Variants in GTF3C1 observed in about 807,000 individuals in gnomAD.
GTF3C1 encodes general transcription factor IIIC subunit 1.
In GTF3C1, 57 loss-of-function variants were observed where a neutral mutation model predicts 226.7. The ratio of observed to expected loss-of-function variants is 0.25; its 90% CI spans 0.20 to 0.31. The LOEUF (loss-of-function observed/expected upper bound fraction) is 0.31, where lower values mean the gene tolerates loss of function less well. GTF3C1 is among the 10% of genes least tolerant of loss of function. The pLI, the probability that GTF3C1 is intolerant of heterozygous loss-of-function variation, is 1.00. For synonymous variants in GTF3C1, 1,090 were observed against 1,084.8 expected (o/e 1.00, Z -0.09); for missense variants, 2,217 against 2,776.1 (o/e 0.80, Z 4.53).
At chr16:27,542,609 G>A (rs926988861) in intron 2 of GTF3C1, among the ~76,000 whole-genome samples, 5 of 152,092 alleles carry the variant, frequency 3.3e-5, no homozygotes, top group Non-Finnish European at 4.4e-5. Flanking sequence ...GCAGCATTGG[G>A]AGGTGAGGAC....
At chr16:27,543,670 T>A (rs942670645) in intron 2 of GTF3C1, among the ~76,000 whole-genome samples, 2 of 152,140 alleles carry the variant, frequency 1.3e-5, no homozygotes, top group African/African-American at 4.8e-5. Flanking sequence ...AGTGCTTGGA[T>A]TACTGCTTAG....
chr16:27,511,889 A>T lies in GTF3C1; in HGVS notation c.986T>A (p.Met329Lys). 6.2e-7 allele frequency: 1 copy of T among 1,614,070 alleles called. No homozygotes were observed. The highest frequency in any genetic ancestry group is 2.2e-5 in the East Asian group (1 of 44,886). The change falls in exon 7 of 37, where the codon ATG becomes AAG. Residue 329 changes from methionine (M) to lysine (K), a missense_variant. By Grantham distance (95) the Met-to-Lys change is moderately conservative. Transcript: ENST00000356183. Reference sequence around the variant, plus strand: ...CTTCAGCAGCTTGAGGCACCGAACCATGACGTCGGTCCCTGGCAACACAAG... The same window carrying T: ...CTTCAGCAGCTTGAGGCACCGAACCTTGACGTCGGTCCCTGGCAACACAAG... ...PCKTKKGTDV[M>K]VRCLKLLKEF...
intron 27 of GTF3C1, chr16:27,480,668 G>A (rs232059): frequency 0.11 from 17,785 of 160,238 alleles, 1,261 homozygotes; most frequent in Middle Eastern, 0.21. Flanking sequence ...TTTAAAAATT[G>A]TACAGGGTTC....
At position 27,489,089 on chromosome 16, in the gene GTF3C1, T is replaced by C; in HGVS notation, c.3383A>G (p.Lys1128Arg). 8 of 1,614,108 alleles carry C rather than the reference T, an allele frequency of 5.0e-6. No individual in the cohort carries two copies. The highest frequency in any genetic ancestry group is 6.8e-6 in the Non-Finnish European group (8 of 1,179,946). Reference sequence around the variant, plus strand: ...GTAGCTGGTCCAGATCCAGTTGCGCTTGAGGTGTCCGTAGAAGCTGGAATC... The same window carrying C: ...GTAGCTGGTCCAGATCCAGTTGCGCCTGAGGTGTCCGTAGAAGCTGGAATC... ...GLDSSFYGHL[K>R]RNWIWTSYII... Residue 1128 changes from lysine to arginine, a missense_variant, in exon 21 of 37, where the codon AAG becomes AGG. Transcript: ENST00000356183.
At chr16:27,501,012 A>G (rs553376296) in intron 12 of GTF3C1, among the ~76,000 whole-genome samples, 179 bp downstream of exon 12, 61 of 152,360 alleles carry the variant, frequency 4.0e-4, no homozygotes, top group Non-Finnish European at 7.5e-4. Context: ...AATCCTAGCA[A>G]GTTTTTGCTC....
intron 3 of GTF3C1, 68 bp from the exon 4 acceptor site, chr16:27,537,995 T>A: frequency 1.3e-6 from 2 of 1,533,658 alleles, no homozygotes; most frequent in South Asian, 2.4e-5. Context: ...AGTCTCTCAC[T>A]TGGACATAAA....
chr16:27,529,394 T>C (rs958993990), intron 5 of GTF3C1, among the ~76,000 whole-genome samples: 3 of 151,404 alleles, frequency 2.0e-5, no homozygotes, highest in Non-Finnish European at 2.9e-5. Flanking sequence ...TGGGCCGAGA[T>C]TGCACCACTG....
chr16:27,489,118 C>A lies in GTF3C1; in HGVS notation c.3354G>T (p.Gly1118=). 1 of 1,613,972 alleles carries A rather than the reference C, an allele frequency of 6.2e-7. No homozygotes were observed. Among genetic ancestry groups the A allele is most frequent in the Non-Finnish European group, 8.5e-7 (1 of 1,179,858 alleles). The part of the protein sequence containing the change: ...LIPGDGLGAA[G]LDSSFYGHLK... ...GGTGTCCGTAGAAGCTGGAATCGAG[C>A]CCTGCGGCACCCAGCCCATCTCCAG... Residue 1118 remains glycine, a synonymous_variant, in exon 21 of 37, where the codon GGG becomes GGT. Transcript: ENST00000356183.
intron 5 of GTF3C1, 122 bp from the exon 6 acceptor site, chr16:27,528,843 G>A (rs2088871976): frequency 1.0e-6 from 1 of 978,864 alleles, no homozygotes; most frequent in Non-Finnish European, 1.6e-6. Flanking sequence ...AGGTACTAAT[G>A]AGGAAAGCCT....
Position 27,461,321 on chromosome 16 carries a change from C to T in GTF3C1, c.*29G>A, listed in dbSNP as rs751607634. On this transcript the variant is annotated 3_prime_UTR_variant, in exon 37 of 37. Coordinates refer to ENST00000356183, the MANE Select transcript of GTF3C1 (RefSeq NM_001520.4). The surrounding 1 kb of genome is among the most constrained non-coding windows in gnomAD (Gnocchi z 5.3). The stretch of plus-strand genomic sequence containing the variant: ...GCAGGAGTGGTGTGGCAGGCGGTGG[C>T]TGGGAGGGAGGGGACGCCCACAGGG... The T allele has an allele frequency of 1.4e-6, 2 of 1,458,546 alleles. No individual in the cohort carries two copies. Among genetic ancestry groups the T allele is most frequent in the African/African-American group, 1.4e-5 (1 of 72,118 alleles). The allele number at this position is 1,458,546 out of a possible 1,614,324, so 90.4% of individuals were successfully genotyped here.
rs1269167553 is a variant in GTF3C1, at chr16:27,537,942, G to A, written c.609-15C>T. On this transcript the variant is annotated splice_polypyrimidine_tract_variant and intron_variant, in intron 3 of 36. Coordinates refer to ENST00000356183, the MANE Select transcript of GTF3C1 (RefSeq NM_001520.4). ...CAGCATCAACCCTGGAGGAAAAGAG[G>A]AGCCATGTCATTTGCTTTGCTGGTA... The A allele has an allele frequency of 5.6e-6, 9 of 1,612,412 alleles. No individual in the cohort carries two copies. The highest frequency in any genetic ancestry group is 7.6e-6 in the Non-Finnish European group (9 of 1,179,340).
At chr16:27,486,211 ACT>A (rs2088136518) in intron 23 of GTF3C1, 57 bp from the exon 24 acceptor site, 5 of 1,047,882 alleles carry the variant, frequency 4.8e-6, no homozygotes, top group African/African-American at 3.2e-5. Context: ...TGGAGCTGTC[ACT>A]CTGCAGAGGG....
At chr16:27,540,649 A>C (rs996187912) in intron 2 of GTF3C1, among the ~76,000 whole-genome samples, 17 of 152,224 alleles carry the variant, frequency 1.1e-4, no homozygotes, top group African/African-American at 4.1e-4. Context: ...TCTACCTTCA[A>C]GGAGCTCACA....
intron 3 of GTF3C1, 121 bp downstream of exon 3, chr16:27,538,059 G>A (rs2089026793): frequency 3.9e-6 from 5 of 1,282,134 alleles, no homozygotes; most frequent in Non-Finnish European, 5.4e-6. Flanking sequence ...GTCACTGTGA[G>A]ACCACGGCCT....
At chr16:27,529,795 C>A (rs374189764) in intron 5 of GTF3C1, among the ~76,000 whole-genome samples, 2 of 152,202 alleles carry the variant, frequency 1.3e-5, no homozygotes, top group Non-Finnish European at 2.9e-5. Context: ...AGGGCCCACC[C>A]GGTTCCAGGG....
Position 27,463,412 on chromosome 16 carries a change from C to G in GTF3C1, c.5924+129G>C. ...CCCTCCAAGTACCCCTGCCAAGAAC[C>G]AAGGTGCCGGGCAGGCTGTCAGAGC... On this transcript the variant is annotated intron_variant, in intron 35 of 36. Coordinates refer to ENST00000356183, the MANE Select transcript of GTF3C1 (RefSeq NM_001520.4). The surrounding 1 kb of genome is among the most constrained non-coding windows in gnomAD (Gnocchi z 4.9). 1 of 692,410 alleles carries G rather than the reference C, an allele frequency of 1.4e-6. No homozygotes were observed. The highest frequency in any genetic ancestry group is 2.6e-6 in the Non-Finnish European group (1 of 385,620). 42.9% of individuals were successfully genotyped at this position (692,410 alleles called of 1,614,324 possible).
intron 6 of GTF3C1, among the ~76,000 whole-genome samples, chr16:27,515,670 C>A (rs1039247665): frequency 6.6e-6 from 1 of 152,130 alleles, no homozygotes. Flanking sequence ...TCTCAAGTTC[C>A]ATAGCTCCCC....
In GTF3C1 at chr16:27,549,657, G is replaced by A. The variant is rs1044624393; in HGVS notation, c.221+13C>T. ...CCCGCCCGCCCGCCCGCCAGGCCAG[G>A]CCGCCCGCTGACCGGTCCTGGAGCT... On this transcript the variant is annotated intron_variant, in intron 1 of 36. Coordinates refer to ENST00000356183, the MANE Select transcript of GTF3C1 (RefSeq NM_001520.4). The A allele has an allele frequency of 3.5e-6, 5 of 1,418,264 alleles. No individual in the cohort carries two copies. The highest frequency in any genetic ancestry group is 1.4e-5 in the African/African-American group (1 of 70,104). The allele number at this position is 1,418,264 out of a possible 1,614,324, so 87.9% of individuals were successfully genotyped here.
chr16:27,495,180 C>T lies in GTF3C1; in HGVS notation c.2632+31G>A, dbSNP rs778054160. On this transcript the variant is annotated intron_variant, in intron 15 of 36. Transcript: ENST00000356183. ...GGATCCTACTACTGGGCCTGCCCGC[C>T]CCAGGTGCAGGAGTGGCAGGGGCCT... The T allele has an allele frequency of 1.9e-6, 3 of 1,561,710 alleles. No homozygotes were observed. The East Asian group carries it at 6.7e-5, about 35-fold the overall frequency.
Sources: gnomAD v4.1 joint callset for allele counts (sites outside exome capture counted in the v4.1 genomes callset) on GRCh38, gnomAD v4.1.1 for gene constraint, Gnocchi (gnomAD v3.1) non-coding constraint, MANE v1.5 for transcripts, NCBI Gene and HGNC (gene_info 2026-07-23, HGNC 2026-07-21) for gene names.